Variants in L1TD1 observed in about 807,000 individuals in gnomAD.
L1TD1 encodes LINE1 type transposase domain containing 1, also known as LINE-1 type transposase domain-containing protein 1.
A neutral mutation model predicts 25.7 loss-of-function variants in L1TD1; 26 were observed. The observed-to-expected ratio is 1.01, with a 90% CI of 0.74 to 1.40. The LOEUF (loss-of-function observed/expected upper bound fraction) is 1.40, where lower values mean the gene tolerates loss of function less well. Among genes scored for constraint, L1TD1 ranks in the 40% most tolerant of loss-of-function variants. L1TD1 has a pLI of 0.00. For synonymous variants in L1TD1, 421 were observed against 335.6 expected, an observed-to-expected ratio of 1.25 and a Z score of -2.78; for missense variants, 1,130 against 975.0, an observed-to-expected ratio of 1.16 and a Z score of -2.12.
Position 62,207,246 on chromosome 1 carries a change from AT to A in L1TD1, c.621del (p.Phe207LeufsTer5). On this transcript the variant is annotated frameshift_variant, in exon 3 of 4. Coordinates refer to ENST00000498273, the MANE Select transcript of L1TD1 (RefSeq NM_019079.5). LOFTEE classifies it high-confidence loss of function. The stretch of plus-strand genomic sequence containing the variant: ...AGAGTAGGAAGGATGGAGAGGATGA[AT>A]TTGTCAAAGAAATGAGAGAGGAAAG... ...RESRKDGEDE[F>X]VKEMREERKF... 1 of 1,551,480 alleles carries A rather than the reference AT, an allele frequency of 6.4e-7. No individual in the cohort carries two copies. Among genetic ancestry groups the A allele is most frequent in the Non-Finnish European group, 8.7e-7 (1 of 1,146,956 alleles).
In L1TD1 at chr1:62,203,062, TC is replaced by T. The variant is rs564926403; in HGVS notation, c.-110-3455del. 4.6e-5 allele frequency among the ~76,000 whole-genome samples: 7 copies of T among 152,162 alleles called. No individual in the cohort carries two copies. In the South Asian group the frequency reaches 1.5e-3, roughly 32 times the overall value. ...GTCTCAAACTCCTGGGCTCAAGCAA[TC>T]CGCTCACTCACCTCGGCCACCGAAA... is the stretch of plus-strand genomic sequence containing the variant. On this transcript the variant is annotated intron_variant, in intron 2 of 3. Transcript: ENST00000498273.
At position 62,210,751 on chromosome 1, in the gene L1TD1, TGAA is replaced by T; in HGVS notation, c.1981_1983del (p.Glu661del). On this transcript the variant is annotated inframe_deletion, in exon 4 of 4. Transcript: ENST00000498273. ...ATCTGAGTAGCAGAATGGACATACTTGAAGAAAGAATAGACAGTCTAGAAGATC... is the reference window on the plus strand; with the variant it reads ...ATCTGAGTAGCAGAATGGACATACTTGAAAGAATAGACAGTCTAGAAGATC... 1 of 1,551,450 alleles carries T rather than the reference TGAA, an allele frequency of 6.4e-7. No homozygotes were observed. The highest frequency in any genetic ancestry group is 8.7e-7 in the Non-Finnish European group (1 of 1,146,952).
chr1:62,197,095 A>T (rs1369422089), intron 2 of L1TD1, among the ~76,000 whole-genome samples: 1 of 151,968 alleles, frequency 6.6e-6, no homozygotes, highest in African/African-American at 2.4e-5. Flanking sequence ...CTTCAAGATT[A>T]AAAGGTAGGG....
At chr1:62,209,483 T>A (rs1281359994) in intron 3 of L1TD1, among the ~76,000 whole-genome samples, 2 of 151,970 alleles carry the variant, frequency 1.3e-5, no homozygotes, top group Admixed American at 6.6e-5. Flanking sequence ...TTACTGAGGA[T>A]CAATCACATA....
Position 62,211,170 on chromosome 1 carries a change from A to G in L1TD1, c.2396A>G (p.Asp799Gly), listed in dbSNP as rs1479036730. ...AGGTTGACAGCAGACTTATCACTGG[A>G]CACACTGGATGCTAGAAGTAAATGG... ...RIRLTADLSL[D>G]TLDARSKWSN... The change falls in exon 4 of 4, where the codon GAC becomes GGC. Residue 799 changes from aspartate to glycine, a missense_variant. Coordinates refer to ENST00000498273, the MANE Select transcript of L1TD1 (RefSeq NM_019079.5). 2 of 1,551,388 alleles carry G rather than the reference A, an allele frequency of 1.3e-6. No homozygotes were observed. The highest frequency in any genetic ancestry group is 1.7e-6 in the Non-Finnish European group (2 of 1,146,902).
rs756310644 is a variant in L1TD1 at position 62,210,294 on chromosome 1, AAG to A, written c.1522_1523del (p.Glu508AsnfsTer4). 1.9e-6 allele frequency: 3 copies of A among 1,614,024 alleles called. No homozygotes were observed. The highest frequency in any genetic ancestry group is 2.7e-5 in the African/African-American group (2 of 74,922). ...GAGAAAAAAGCCTCACGTAGACAAA[AAG>A]AAATTCCCTTTAGTTATTTGGTTGG... On this transcript the variant is annotated frameshift_variant, in exon 4 of 4. Coordinates refer to ENST00000498273, the MANE Select transcript of L1TD1 (RefSeq NM_019079.5). LOFTEE classifies it low-confidence loss of function (END_TRUNC).
rs1177658263 is a variant in L1TD1 at position 62,207,025 on chromosome 1, T to G, written c.397T>G (p.Leu133Val). ...TAAAATAGGTGATGATAATGAAAAT[T>G]TAACCTTTAAATTAGAAGTAAATGA... is the stretch of plus-strand genomic sequence containing the variant. Reference protein sequence around the residue: ...NSKIGDDNENLTFKLEVNELS... With the variant: ...NSKIGDDNENVTFKLEVNELS... Residue 133 changes from leucine (L) to valine (V), a missense_variant, in exon 3 of 4, where the codon TTA becomes GTA. Coordinates refer to ENST00000498273, the MANE Select transcript of L1TD1 (RefSeq NM_019079.5). The G allele has an allele frequency of 1.2e-6, 2 of 1,613,406 alleles. No homozygotes were observed. The highest frequency in any genetic ancestry group is 1.1e-5 in the South Asian group (1 of 90,928).
chr1:62,205,433 A>AT (rs1161372604), intron 2 of L1TD1, among the ~76,000 whole-genome samples: 22 of 40,080 alleles, frequency 5.5e-4, no homozygotes, highest in African/African-American at 1.5e-3. Context: ...ATATATATAT[A>AT]TATATATATA....
chr1:62,202,535 CT>C (rs1670659795), intron 2 of L1TD1, among the ~76,000 whole-genome samples: 1 of 114,092 alleles, frequency 8.8e-6, no homozygotes, highest in Admixed American at 8.9e-5. Flanking sequence ...ATGCTTTTTT[CT>C]TTTTCTTTTC....
chr1:62,206,023 GC>G (rs1670737587), intron 2 of L1TD1, among the ~76,000 whole-genome samples: 1 of 152,116 alleles, frequency 6.6e-6, no homozygotes, highest in Non-Finnish European at 1.5e-5. Context: ...GAGCCACCAT[GC>G]CTGGCCAAGA....
intron 2 of L1TD1, among the ~76,000 whole-genome samples, chr1:62,200,058 G>A (rs1670612399): frequency 6.6e-6 from 1 of 152,012 alleles, no homozygotes; most frequent in South Asian, 2.1e-4. Context: ...CAATGGGTAT[G>A]ATTCTAATAT....
At chr1:62,200,522 T>C (rs565547680) in intron 2 of L1TD1, among the ~76,000 whole-genome samples, 6 of 152,198 alleles carry the variant, frequency 3.9e-5, no homozygotes, top group African/African-American at 1.2e-4. Context: ...TATGTACTTA[T>C]ATATAGTTAT....
chr1:62,202,869 GAC>G (rs1327503273), intron 2 of L1TD1, among the ~76,000 whole-genome samples: 1 of 151,902 alleles, frequency 6.6e-6, no homozygotes, highest in African/African-American at 2.4e-5. Context: ...TTGTAGTAGA[GAC>G]AGGGTTTCAC....
chr1:62,206,680 A>T lies in L1TD1; in HGVS notation c.52A>T (p.Lys18Ter). 1 of 1,548,114 alleles carries T rather than the reference A, an allele frequency of 6.5e-7. No homozygotes were observed. The highest frequency in any genetic ancestry group is 8.7e-7 in the Non-Finnish European group (1 of 1,146,048). ...VQSKFARLAK[K>*]KENITYMKRE... ...ATCAAAATTTGCTAGACTTGCAAAG[A>T]AAAAGGAAAATATCACCTATATGAA... Residue 18 changes from lysine (K) to a stop codon, truncating the protein, a stop_gained, in exon 3 of 4, where the codon AAA (lysine) becomes TAA (stop). Coordinates refer to ENST00000498273, the MANE Select transcript of L1TD1 (RefSeq NM_019079.5). LOFTEE classifies it high-confidence loss of function.
At position 62,211,753 on chromosome 1, in the gene L1TD1, C is replaced by T. The variant is rs1670878139; in HGVS notation, c.*381C>T. On this transcript the variant is annotated 3_prime_UTR_variant, in exon 4 of 4. Coordinates refer to ENST00000498273, the MANE Select transcript of L1TD1 (RefSeq NM_019079.5). ...GGCCGAGGCGGGTGGATCACGAGGTCAGGAGATCGAGACCATCCTGGCTAA... is the reference window on the plus strand; with the variant it reads ...GGCCGAGGCGGGTGGATCACGAGGTTAGGAGATCGAGACCATCCTGGCTAA... 6.2e-6 allele frequency: 1 copy of T among 160,380 alleles called. No individual in the cohort carries two copies. The highest frequency in any genetic ancestry group is 1.7e-4 in the South Asian group (1 of 5,808). The allele number at this position is 160,380 out of a possible 1,614,324, so 9.9% of individuals were successfully genotyped here. A position where few individuals can be genotyped will look rare whatever the true frequency, so the allele number is the denominator to read the frequency against.
Position 62,206,646 on chromosome 1 carries a change from TA to T in L1TD1, c.19del (p.Ser7ValfsTer19), listed in dbSNP as rs1158392225. 3.2e-6 allele frequency: 5 copies of T among 1,544,310 alleles called. No individual in the cohort carries two copies. The Admixed American group carries it at 1.0e-4, about 31-fold the overall frequency. On this transcript the variant is annotated frameshift_variant, in exon 3 of 4. Transcript: ENST00000498273. LOFTEE classifies it high-confidence loss of function. ...TATCCACAATGTCTGATGTATCTAC[TA>T]GTGTACAATCAAAATTTGCTAGACT... MSDVST[S>X]VQSKFARLAK...
intron 3 of L1TD1, 29 bp from the exon 4 acceptor site, chr1:62,209,754 C>CT (rs143484043): frequency 0.042 from 59,668 of 1,411,384 alleles, 1,426 homozygotes; most frequent in African/African-American, 0.071. Flanking sequence ...ACAAATAACT[C>CT]TTTTTTTTCT....
intron 2 of L1TD1, among the ~76,000 whole-genome samples, chr1:62,197,126 C>CT (rs1670557666): frequency 6.6e-6 from 1 of 151,928 alleles, no homozygotes; most frequent in Non-Finnish European, 1.5e-5. Flanking sequence ...TGGCTCACAC[C>CT]TGTAATCCCA....
chr1:62,202,594 T>G (rs1412901737), intron 2 of L1TD1, among the ~76,000 whole-genome samples: 3 of 150,708 alleles, frequency 2.0e-5, no homozygotes, highest in Non-Finnish European at 4.4e-5. Context: ...ATTTTTTATT[T>G]TTTTGAGACA....
Sources: gnomAD v4.1 joint callset for allele counts (sites outside exome capture counted in the v4.1 genomes callset) on GRCh38, gnomAD v4.1.1 for gene constraint, MANE v1.5 for transcripts, NCBI Gene and HGNC (gene_info 2026-07-23, HGNC 2026-07-21) for gene names.